Variants in ZC3H12B observed in about 807,000 individuals in gnomAD.
ZC3H12B encodes the protein zinc finger CCCH-type containing 12B.
A neutral mutation model predicts 43.9 loss-of-function variants in ZC3H12B; 7 were observed. The observed-to-expected ratio is 0.16, with a 90% CI of 0.09 to 0.30. The LOEUF is 0.30. Among genes scored for constraint, ZC3H12B ranks in the 10% least tolerant of loss-of-function variants. The probability of loss-of-function intolerance (pLI) is 1.00; values close to 1 mark genes in which losing one functional copy is unlikely to be tolerated. For synonymous variants in ZC3H12B, 222 were observed against 241.7 expected (o/e 0.92, Z 0.76); for missense variants, 475 against 670.2 (o/e 0.71, Z 3.22).
the ZC3H12B span, among the ~76,000 whole-genome samples, chrX:65,088,064 C>T: frequency 9.0e-6 from 1 of 111,565 alleles, no homozygotes; most frequent in African/African-American, 3.3e-5. Context: ...GAAACCATTG[C>T]CTTAATACAG....
At chrX:65,164,961 C>T in the ZC3H12B span, among the ~76,000 whole-genome samples, 1 of 111,932 alleles carries the variant, frequency 8.9e-6, no homozygotes, top group Admixed American at 9.6e-5. Flanking sequence ...TATTTTTCCT[C>T]AGGCATTATA....
chrX:65,371,551 T>C (rs969414863), intron 2 of ZC3H12B, among the ~76,000 whole-genome samples: 1 of 111,869 alleles, frequency 8.9e-6, no homozygotes, highest in East Asian at 2.8e-4. Context: ...GCTAAAAGTA[T>C]GAACAGGTAA....
chrX:65,498,807 T>C (rs2068326350), intron 2 of ZC3H12B, among the ~76,000 whole-genome samples, 192 bp from the exon 8 acceptor site: 1 of 112,080 alleles, frequency 8.9e-6, no homozygotes, highest in Admixed American at 9.5e-5. Flanking sequence ...AAGACTGAAG[T>C]CCAAAGGGGA....
chrX:65,091,365 A>T, the ZC3H12B span, among the ~76,000 whole-genome samples: 1 of 112,127 alleles, frequency 8.9e-6, no homozygotes, highest in Non-Finnish European at 1.9e-5. Flanking sequence ...GCCAAGTGAA[A>T]CTGATTTTCA....
At chrX:65,233,010 A>G in the ZC3H12B span, among the ~76,000 whole-genome samples, 4 of 112,369 alleles carry the variant, frequency 3.6e-5, no homozygotes, top group Non-Finnish European at 5.6e-5. Context: ...TGTGATTTAT[A>G]TAATGATAAG....
chrX:65,372,491 G>A (rs2066258973), intron 2 of ZC3H12B, among the ~76,000 whole-genome samples: 1 of 94,798 alleles, frequency 1.1e-5, no homozygotes, highest in Non-Finnish European at 2.1e-5. Flanking sequence ...AGGAAGGGAA[G>A]GAAGGAAGGA....
chrX:65,145,144 C>T, the ZC3H12B span, among the ~76,000 whole-genome samples: 1 of 111,038 alleles, frequency 9.0e-6, no homozygotes, highest in Non-Finnish European at 1.9e-5. Flanking sequence ...AATGTGGGAG[C>T]ACCAGTGTTA....
chrX:65,099,782 G>A, the ZC3H12B span, among the ~76,000 whole-genome samples: 22 of 111,113 alleles, frequency 2.0e-4, no homozygotes, highest in East Asian at 1.1e-3. Context: ...AGGAAAAACC[G>A]GCCCAAAAAT....
At chrX:65,052,584 A>G in the ZC3H12B span, among the ~76,000 whole-genome samples, 25 of 111,285 alleles carry the variant, frequency 2.2e-4, no homozygotes, top group African/African-American at 7.8e-4. Context: ...CTCCAGTTCC[A>G]TCTATGTCAC....
the ZC3H12B span, among the ~76,000 whole-genome samples, chrX:65,262,724 A>T: frequency 9.0e-6 from 1 of 111,357 alleles, no homozygotes; most frequent in Non-Finnish European, 1.9e-5. Context: ...TGTGTCCAAG[A>T]TCACAATGCT....
intron 3 of ZC3H12B, among the ~76,000 whole-genome samples, chrX:65,443,964 T>C (rs906763028): frequency 2.7e-5 from 3 of 112,364 alleles, no homozygotes; most frequent in African/African-American, 9.7e-5. Flanking sequence ...ATTGAGCCAC[T>C]CTATGTATGT....
chrX:65,429,309 C>T (rs1217889325), intron 3 of ZC3H12B, among the ~76,000 whole-genome samples: 1 of 112,491 alleles, frequency 8.9e-6, no homozygotes, highest in East Asian at 2.8e-4. Flanking sequence ...ATCTCTTCAG[C>T]CCCCAATTGA....
chrX:65,466,102 T>G (rs1363645814), intron 3 of ZC3H12B, among the ~76,000 whole-genome samples: 1 of 110,509 alleles, frequency 9.0e-6, no homozygotes, highest in Non-Finnish European at 1.9e-5. Flanking sequence ...TCACCAGAAC[T>G]TATTTATCTT....
chrX:65,404,489 T>TA (rs2066799818), intron 3 of ZC3H12B, among the ~76,000 whole-genome samples: 1 of 110,747 alleles, frequency 9.0e-6, no homozygotes, highest in African/African-American at 3.3e-5. Context: ...ACAAATAGAT[T>TA]AAAAGAAAAG....
intron 3 of ZC3H12B, among the ~76,000 whole-genome samples, chrX:65,405,346 G>C (rs1425762363): frequency 8.9e-6 from 1 of 112,828 alleles, no homozygotes; most frequent in African/African-American, 3.2e-5. Flanking sequence ...TAGGCTGGGT[G>C]TGGTGGCTCA....
At chrX:65,385,408 G>T (rs1261961066) in intron 2 of ZC3H12B, among the ~76,000 whole-genome samples, 1 of 111,394 alleles carries the variant, frequency 9.0e-6, no homozygotes, top group African/African-American at 3.3e-5. Flanking sequence ...TCTCTTTGAA[G>T]CCATTGTGAA....
chrX:65,501,444 G>A (rs1486506226), intron 4 of ZC3H12B, among the ~76,000 whole-genome samples: 4 of 109,254 alleles, frequency 3.7e-5, no homozygotes, highest in Non-Finnish European at 5.7e-5. Flanking sequence ...CTTTACAGAC[G>A]GGGTTTCACA....
chrX:65,372,638 GAGGAAGGA>G (rs575783151), intron 2 of ZC3H12B, among the ~76,000 whole-genome samples: 1 of 108,184 alleles, frequency 9.2e-6, no homozygotes, highest in Non-Finnish European at 1.9e-5. Context: ...GGGAGGAAGG[GAGGAAGGA>G]AGGAAGGAAA....
the ZC3H12B span, among the ~76,000 whole-genome samples, chrX:65,202,878 G>A: frequency 1.6e-3 from 175 of 110,944 alleles, no homozygotes; most frequent in Non-Finnish European, 2.5e-3. Flanking sequence ...CTGTAGTCCA[G>A]GAGTTTGGGC....
Sources: gnomAD v4.1 joint callset for allele counts (sites outside exome capture counted in the v4.1 genomes callset) on GRCh38, gnomAD v4.1.1 for gene constraint, MANE v1.5 for transcripts, NCBI Gene and HGNC (gene_info 2026-07-23, HGNC 2026-07-21) for gene names.